The following STK3 variants were observed in gnomAD, a reference collection of about 807,000 sequenced individuals.
STK3 encodes the protein serine/threonine kinase 3.
Under a neutral mutation model 58.0 loss-of-function variants are expected in STK3, and 41 were observed. The ratio of observed to expected loss-of-function variants is 0.71; its 90% CI spans 0.55 to 0.92. STK3 has a LOEUF of 0.92. STK3 is among the 40% of genes least tolerant of loss of function. The probability of loss-of-function intolerance (pLI) is 0.00; values close to 1 mark genes in which losing one functional copy is unlikely to be tolerated. For missense variants in STK3, 479 were observed against 602.7 expected (o/e 0.79, Z 2.15); for synonymous variants, 170 against 191.0 (o/e 0.89, Z 0.91).
chr8:98,877,586 C>T (rs1465606732), intron 3 of STK3, among the ~76,000 whole-genome samples: 1 of 152,042 alleles, frequency 6.6e-6, no homozygotes, highest in Non-Finnish European at 1.5e-5. Flanking sequence ...CGGGTTCAAG[C>T]GATTCTCCTG....
At chr8:98,704,563 A>AT (rs957908669) in intron 6 of STK3, among the ~76,000 whole-genome samples, 1 of 150,968 alleles carries the variant, frequency 6.6e-6, no homozygotes, top group African/African-American at 2.5e-5. Flanking sequence ...TAGGATTTAG[A>AT]TTTAAAAAAA....
In STK3 at chr8:98,598,638, T is replaced by C. The variant is rs181998842; in HGVS notation, c.685-2469A>G. ...TTGATTAGGTATTAGGCCCCTTCTA[T>C]AGAAAGTTTTGGCAATCAGTGGCTC... is the stretch of plus-strand genomic sequence containing the variant. On this transcript the variant is annotated intron_variant, in intron 6 of 10. Coordinates refer to ENST00000419617, the MANE Select transcript of STK3 (RefSeq NM_006281.4). The C allele has an allele frequency of 1.2e-4, 116 of 985,328 alleles. 1 individual carries two copies. The African/African-American group carries it at 1.8e-3, about 16-fold the overall frequency. The allele number at this position is 985,328 out of a possible 1,614,324, so 61.0% of individuals were successfully genotyped here. A position where few individuals can be genotyped will look rare whatever the true frequency, so the allele number is the denominator to read the frequency against.
intron 1 of STK3, chr8:98,921,369 C>G (rs974650541): frequency 1.3e-5 from 2 of 152,326 alleles, no homozygotes; most frequent in African/African-American, 4.8e-5. Flanking sequence ...TACCCTTGAC[C>G]GAAGGCCGGT....
At chr8:98,696,965 C>T (rs1335939633) in intron 6 of STK3, among the ~76,000 whole-genome samples, 4 of 152,106 alleles carry the variant, frequency 2.6e-5, no homozygotes, top group South Asian at 2.1e-4. Flanking sequence ...TGGTAGAATT[C>T]GGCTGTGAAT....
intron 1 of STK3, among the ~76,000 whole-genome samples, chr8:98,811,966 T>C (rs1052553137): frequency 1.1e-4 from 16 of 152,150 alleles, no homozygotes; most frequent in African/African-American, 3.6e-4. Context: ...TGGGACACCA[T>C]ACCCAGCTAA....
intron 1 of STK3, among the ~76,000 whole-genome samples, chr8:98,899,670 G>T (rs1238717250): frequency 6.6e-6 from 1 of 152,046 alleles, no homozygotes; most frequent in Non-Finnish European, 1.5e-5. Flanking sequence ...TGGGTGCTGG[G>T]GGATAACTGT....
At chr8:98,708,204 T>C (rs955700551) in intron 4 of STK3, among the ~76,000 whole-genome samples, 3 of 152,048 alleles carry the variant, frequency 2.0e-5, no homozygotes, top group African/African-American at 7.2e-5. Context: ...ATCAGCCTGA[T>C]ATAAGGAATC....
chr8:98,707,192 T>C lies in STK3; in HGVS notation c.471A>G (p.Glu157=). 6.2e-7 allele frequency: 1 copy of C among 1,611,794 alleles called. No homozygotes were observed. The highest frequency in any genetic ancestry group is 8.5e-7 in the Non-Finnish European group (1 of 1,179,484). The change falls in exon 5 of 11, where the codon GAA becomes GAG. Residue 157 remains glutamate (E), a synonymous_variant. Transcript: ENST00000419617. ...CAAAATCTGCCAATTTTGCATGTCCTTCTGTATTGAGGAGAATATTTCCAG... is the reference window on the plus strand; with the variant it reads ...CAAAATCTGCCAATTTTGCATGTCCCTCTGTATTGAGGAGAATATTTCCAG... The part of the protein sequence containing the change: ...IKAGNILLNT[E]GHAKLADFGV...
upstream of STK3, among the ~76,000 whole-genome samples, chr8:98,826,100 T>G (rs1835288520): frequency 6.6e-6 from 1 of 152,124 alleles, no homozygotes; most frequent in Admixed American, 6.5e-5. Flanking sequence ...CGCTCTAGGC[T>G]GGGGAAGGGC....
intron 1 of STK3, among the ~76,000 whole-genome samples, chr8:98,443,367 T>C (rs1233871956): frequency 6.6e-6 from 1 of 152,248 alleles, no homozygotes; most frequent in Non-Finnish European, 1.5e-5. Flanking sequence ...ATTTTGTGAA[T>C]GGCAGTTTGT....
intron 1 of STK3, among the ~76,000 whole-genome samples, chr8:98,893,798 G>T (rs1722370985): frequency 6.6e-6 from 1 of 152,206 alleles, no homozygotes; most frequent in African/African-American, 2.4e-5. Flanking sequence ...CCATGGAGAA[G>T]CTGCAAGAAC....
At chr8:98,594,129 G>A (rs948974758) in intron 7 of STK3, among the ~76,000 whole-genome samples, 1 of 152,096 alleles carries the variant, frequency 6.6e-6, no homozygotes, top group African/African-American at 2.4e-5. Flanking sequence ...GTAACATGGC[G>A]AATCCTGTCT....
intron 6 of STK3, among the ~76,000 whole-genome samples, chr8:98,612,472 G>A (rs899815147): frequency 2.7e-5 from 4 of 148,656 alleles, no homozygotes; most frequent in Admixed American, 2.7e-4. Context: ...TATATATAGA[G>A]AGATTCTAAT....
chr8:98,582,670 C>G (rs760598821), intron 7 of STK3, among the ~76,000 whole-genome samples: 5 of 151,932 alleles, frequency 3.3e-5, no homozygotes, highest in African/African-American at 1.2e-4. Context: ...ATGCTAGTTT[C>G]CTTTGTATAT....
intron 6 of STK3, chr8:98,597,282 C>T (rs1815909965): frequency 1.0e-6 from 1 of 985,360 alleles, no homozygotes; most frequent in Non-Finnish European, 1.2e-6. Context: ...TCTGTGGACA[C>T]AGCAGCAAAG....
intron 10 of STK3, among the ~76,000 whole-genome samples, chr8:98,496,227 C>T (rs983019411): frequency 1.3e-5 from 2 of 152,084 alleles, no homozygotes; most frequent in Non-Finnish European, 2.9e-5. Context: ...GTAAAACTAT[C>T]TCAATTTATG....
intron 6 of STK3, among the ~76,000 whole-genome samples, chr8:98,685,126 G>A (rs988884063): frequency 2.0e-5 from 3 of 152,092 alleles, no homozygotes; most frequent in East Asian, 3.9e-4. Context: ...CACAAATACA[G>A]AGAAATATTG....
chr8:98,540,414 G>T (rs1810146499), intron 9 of STK3, among the ~76,000 whole-genome samples: 1 of 152,150 alleles, frequency 6.6e-6, no homozygotes, highest in African/African-American at 2.4e-5. Context: ...CAAAAGCAGG[G>T]TTTATCTTGT....
chr8:98,576,582 A>C (rs1813409995), intron 8 of STK3, among the ~76,000 whole-genome samples: 1 of 152,144 alleles, frequency 6.6e-6, no homozygotes, highest in African/African-American at 2.4e-5. Context: ...TGTACTTTTC[A>C]CTGTACAAGT....
Sources: gnomAD v4.1 joint callset for allele counts (sites outside exome capture counted in the v4.1 genomes callset) on GRCh38, gnomAD v4.1.1 for gene constraint, MANE v1.5 for transcripts, NCBI Gene and HGNC (gene_info 2026-07-23, HGNC 2026-07-21) for gene names.